CHST9: variants seen among roughly 807,000 people sequenced by gnomAD.
CHST9 encodes GalNAc-4-sulfotransferase 2.
A neutral mutation model predicts 44.4 loss-of-function variants in CHST9; 41 were observed. That is an observed-to-expected ratio of 0.92 (90% CI 0.72 to 1.20). The LOEUF (loss-of-function observed/expected upper bound fraction) is 1.20. Ranked by LOEUF, CHST9 falls within the 50% of genes most tolerant of loss-of-function variation. The pLI, the probability that CHST9 is intolerant of heterozygous loss-of-function variation, is 0.00. For missense variants in CHST9, 504 were observed against 516.5 expected (o/e 0.98, Z 0.23); for synonymous variants, 171 against 178.4 (o/e 0.96, Z 0.33).
In CHST9 at chr18:26,910,143, G is replaced by A. The variant is rs2055421118; in HGVS notation, c.*6116C>T. On this transcript the variant is annotated 3_prime_UTR_variant, in exon 6 of 6. Coordinates refer to ENST00000618847, the MANE Select transcript of CHST9 (RefSeq NM_031422.6). ...AGGTGGGAAGGAATGTCGTTGCCAG[G>A]GGACCCAGTGGCTACGACAGAAAGA... 6.6e-6 allele frequency: 1 copy of A among 152,054 alleles called. No homozygotes were observed. The highest frequency in any genetic ancestry group is 1.5e-5 in the Non-Finnish European group (1 of 68,012). 9.4% of individuals were successfully genotyped at this position (152,054 alleles called of 1,614,324 possible).
intron 4 of CHST9, among the ~76,000 whole-genome samples, chr18:27,018,884 G>A (rs138256829): frequency 6.6e-6 from 1 of 152,246 alleles, no homozygotes; most frequent in African/African-American, 2.4e-5. Flanking sequence ...TATGAGATGG[G>A]TACCGGCCCT....
rs189331300 is a variant in CHST9 at position 27,158,487 on chromosome 18, C to T, written c.-96-15582G>A. ...CCATGGTGTATATGTACCACAATTTCTTAATCCAGTCTATCATTGTTGGAC... is the reference window on the plus strand; with the variant it reads ...CCATGGTGTATATGTACCACAATTTTTTAATCCAGTCTATCATTGTTGGAC... On this transcript the variant is annotated intron_variant, in intron 1 of 5. Coordinates refer to ENST00000618847, the MANE Select transcript of CHST9 (RefSeq NM_031422.6). Among the ~76,000 whole-genome samples the T allele has an allele frequency of 9.5e-3, 1,425 of 150,540 alleles. 17 individuals carry two copies. The highest frequency in any genetic ancestry group is 0.027 in the Middle Eastern group (8 of 292).
At chr18:27,044,642 C>A (rs564399205) in intron 3 of CHST9, among the ~76,000 whole-genome samples, 1 of 152,014 alleles carries the variant, frequency 6.6e-6, no homozygotes. Flanking sequence ...AAAACTATGA[C>A]AAAATAGGTC....
chr18:27,023,221 T>G (rs906042348), intron 4 of CHST9, among the ~76,000 whole-genome samples: 2 of 152,204 alleles, frequency 1.3e-5, no homozygotes, highest in Non-Finnish European at 2.9e-5. Flanking sequence ...GTAAACATAC[T>G]ACTGTCATCT....
rs10690815 is a variant in CHST9, at chr18:27,015,323, T to TTGTGTGTGTGTGTG, written c.202+8779_202+8792dup. Among the ~76,000 whole-genome samples the TTGTGTGTGTGTGTG allele has an allele frequency of 8.3e-3, 1,214 of 146,434 alleles. 14 individuals are homozygous for TTGTGTGTGTGTGTG. Among genetic ancestry groups the TTGTGTGTGTGTGTG allele is most frequent in the African/African-American group, 0.029 (1,114 of 39,058 alleles). On this transcript the variant is annotated intron_variant, in intron 4 of 5. Coordinates refer to ENST00000618847, the MANE Select transcript of CHST9 (RefSeq NM_031422.6). Reference sequence around the variant, plus strand: ...GTTTAAATGATCACCAGAGAGGCAGTTGTGTGTGTGTGTGTGTGTGTGTGT... The same window carrying TTGTGTGTGTGTGTG: ...GTTTAAATGATCACCAGAGAGGCAGTTGTGTGTGTGTGTGTGTGTGTGTGTGTGTGTGTGTGTGT...
At chr18:27,109,183 T>C (rs1444350876) in intron 2 of CHST9, among the ~76,000 whole-genome samples, 1 of 152,192 alleles carries the variant, frequency 6.6e-6, no homozygotes, top group Non-Finnish European at 1.5e-5. Flanking sequence ...GGAAAGCAGA[T>C]GATACTGCAA....
chr18:27,148,704 G>A (rs1366372641), intron 1 of CHST9, among the ~76,000 whole-genome samples: 1 of 146,540 alleles, frequency 6.8e-6, no homozygotes, highest in Non-Finnish European at 1.5e-5. Flanking sequence ...TGTGAATAGT[G>A]CCACAATAAA....
intron 2 of CHST9, among the ~76,000 whole-genome samples, chr18:27,053,124 A>AGAAGAG (rs1431704760): frequency 2.4e-5 from 3 of 123,136 alleles, no homozygotes; most frequent in African/African-American, 9.9e-5. Flanking sequence ...AGGAGGAGGA[A>AGAAGAG]GAAGAGGAAG....
intron 4 of CHST9, among the ~76,000 whole-genome samples, chr18:26,951,405 G>T (rs750305139): frequency 7.9e-5 from 12 of 152,102 alleles, no homozygotes; most frequent in African/African-American, 2.9e-4. Context: ...CCTCTTTCAG[G>T]TAACAGGCCC....
rs1228422316 is a variant in CHST9 at position 26,914,821 on chromosome 18, T to C, written c.*1438A>G. 2.5e-5 allele frequency: 10 copies of C among 396,848 alleles called. No individual in the cohort carries two copies. In the South Asian group the frequency reaches 5.2e-4, roughly 20 times the overall value. 24.6% of individuals were successfully genotyped at this position (396,848 alleles called of 1,614,324 possible). A position where few individuals can be genotyped will look rare whatever the true frequency, so the allele number is the denominator to read the frequency against. On this transcript the variant is annotated 3_prime_UTR_variant, in exon 6 of 6. Transcript: ENST00000618847. ...TTGAAAGCCATTACTGAATATTTAC[T>C]GATAAGAAAAAAATGATAGCTTAGG... is the stretch of plus-strand genomic sequence containing the variant.
intron 2 of CHST9, among the ~76,000 whole-genome samples, chr18:27,122,845 A>AGAAAAAAAATAGGGTAAAAG (rs564633175): frequency 1.3e-4 from 20 of 152,330 alleles, no homozygotes; most frequent in South Asian, 6.2e-4. Context: ...ACTACTCAAA[A>AGAAAAAAAATAGGGTAAAAG]GAAAAAAAAT....
chr18:27,083,205 G>A (rs1204322762), intron 2 of CHST9, among the ~76,000 whole-genome samples: 1 of 152,044 alleles, frequency 6.6e-6, no homozygotes. Flanking sequence ...GCTTAAATAG[G>A]CATTGGAAGG....
intron 3 of CHST9, among the ~76,000 whole-genome samples, chr18:27,032,303 A>G (rs1292865959): frequency 1.3e-5 from 2 of 152,196 alleles, no homozygotes; most frequent in Non-Finnish European, 2.9e-5. Context: ...CAAACCCCTG[A>G]CAGTGTCTCT....
intron 1 of CHST9, among the ~76,000 whole-genome samples, chr18:27,177,241 C>A (rs1469673947): frequency 3.3e-5 from 5 of 151,284 alleles, no homozygotes; most frequent in African/African-American, 1.2e-4. Flanking sequence ...AAAAAATTAC[C>A]CTCCTTCTAA....
chr18:27,175,657 CAT>C (rs370977449), intron 1 of CHST9, among the ~76,000 whole-genome samples: 39 of 151,974 alleles, frequency 2.6e-4, no homozygotes, highest in African/African-American at 8.2e-4. Context: ...AGGGTGGATA[CAT>C]GTGTGTGTTT....
rs556547053 is a variant in CHST9 at position 27,030,701 on chromosome 18, A to T, written c.161-6544T>A. ...TTTGTGTAAAATAGAGTGAAAATCG[A>T]ATCATATTCGGGGAGTGTCTGAGAG... is the stretch of plus-strand genomic sequence containing the variant. On this transcript the variant is annotated intron_variant, in intron 3 of 5. Transcript: ENST00000618847. Among the ~76,000 whole-genome samples, 61 of 152,300 alleles carry T rather than the reference A, an allele frequency of 4.0e-4. 1 individual carries two copies. In the East Asian group the frequency reaches 4.4e-3, roughly 11 times the overall value.
Position 26,906,993 on chromosome 18 carries a change from G to C in CHST9, c.*9266C>G, listed in dbSNP as rs137879909. On this transcript the variant is annotated 3_prime_UTR_variant, in exon 6 of 6. Transcript: ENST00000618847. ...CTGGAGAAGAATTGGGATCATGCAG[G>C]ATATAGAATGTATAGTGGGAAACAG... 376 of 152,394 alleles carry C rather than the reference G, an allele frequency of 2.5e-3. No homozygotes were observed. Among genetic ancestry groups the C allele is most frequent in the South Asian group, 7.0e-3 (34 of 4,826 alleles). The allele number at this position is 152,394 out of a possible 1,614,324, so 9.4% of individuals were successfully genotyped here. A position where few individuals can be genotyped will look rare whatever the true frequency, so the allele number is the denominator to read the frequency against.
intron 5 of CHST9, among the ~76,000 whole-genome samples, chr18:26,920,403 C>T (rs1200036367): frequency 2.0e-5 from 3 of 152,182 alleles, no homozygotes; most frequent in Non-Finnish European, 2.9e-5. Flanking sequence ...GGTTATTTCC[C>T]TCCCTTTCAA....
At chr18:27,045,622 T>A (rs1023522548) in intron 3 of CHST9, among the ~76,000 whole-genome samples, 1 of 151,988 alleles carries the variant, frequency 6.6e-6, no homozygotes, top group Non-Finnish European at 1.5e-5. Context: ...CCAAGCCAAA[T>A]CGCCAAATTT....
Sources: allele counts gnomAD v4.1 joint callset (sites outside exome capture counted in the v4.1 genomes callset), GRCh38; gene constraint gnomAD v4.1.1; transcripts MANE v1.5; gene names NCBI Gene and HGNC (gene_info 2026-07-23, HGNC 2026-07-21).